TMC1: variants seen among roughly 807,000 people sequenced by gnomAD.
The protein encoded by TMC1 is transmembrane channel like 1, also known as transmembrane channel-like protein 1.
A neutral mutation model predicts 105.8 loss-of-function variants in TMC1; 84 were observed. The observed-to-expected ratio is 0.79, with a 90% CI of 0.67 to 0.95. TMC1 has a LOEUF of 0.95. TMC1 is among the 40% of genes least tolerant of loss of function. The probability of loss-of-function intolerance (pLI) is 0.00; values close to 1 mark genes in which losing one functional copy is unlikely to be tolerated. For missense variants in TMC1, 817 were observed against 914.1 expected, an observed-to-expected ratio of 0.89 and a Z score of 1.37; for synonymous variants, 315 against 311.5, an observed-to-expected ratio of 1.01 and a Z score of -0.12.
At chr9:72,675,776 C>T (rs1186392774) in intron 5 of TMC1, among the ~76,000 whole-genome samples, 1 of 152,102 alleles carries the variant, frequency 6.6e-6, no homozygotes, top group South Asian at 2.1e-4. Context: ...CTAAGTGACC[C>T]CACCCCATGC....
chr9:72,555,836 T>A (rs1823927910), intron 1 of TMC1, among the ~76,000 whole-genome samples: 1 of 151,736 alleles, frequency 6.6e-6, no homozygotes, highest in African/African-American at 2.4e-5. Context: ...TTCCCCAGGC[T>A]GGTCTCAAAC....
chr9:72,714,188 G>A (rs1002705850), intron 8 of TMC1, among the ~76,000 whole-genome samples: 6 of 152,074 alleles, frequency 3.9e-5, no homozygotes, highest in South Asian at 2.1e-4. Context: ...TTCCAATTAC[G>A]TGGTCAATTT....
chr9:72,542,976 G>A (rs1378258950), intron 1 of TMC1, among the ~76,000 whole-genome samples: 2 of 152,098 alleles, frequency 1.3e-5, no homozygotes, highest in Non-Finnish European at 2.9e-5. Flanking sequence ...ACCGCACCCA[G>A]CTAGGCCTCA....
intron 12 of TMC1, among the ~76,000 whole-genome samples, chr9:72,767,683 G>A (rs997130451): frequency 6.6e-6 from 1 of 152,178 alleles, no homozygotes; most frequent in Admixed American, 6.5e-5. Flanking sequence ...GACAACACAC[G>A]AGCATGGCAC....
At chr9:72,632,236 A>G (rs1453495687) in intron 4 of TMC1, among the ~76,000 whole-genome samples, 1 of 152,086 alleles carries the variant, frequency 6.6e-6, no homozygotes, top group African/African-American at 2.4e-5. Context: ...CTTTTAAATA[A>G]CCAGATCTTA....
At chr9:72,531,754 C>G (rs1169615112) in intron 1 of TMC1, among the ~76,000 whole-genome samples, 1 of 152,058 alleles carries the variant, frequency 6.6e-6, no homozygotes, top group African/African-American at 2.4e-5. Flanking sequence ...TTGTCTGGCT[C>G]TAGGCACTGA....
intron 4 of TMC1, among the ~76,000 whole-genome samples, chr9:72,634,376 C>A (rs904927186): frequency 6.6e-6 from 1 of 152,118 alleles, no homozygotes; most frequent in African/African-American, 2.4e-5. Context: ...TGAGCAGTAA[C>A]TATTATAGAA....
intron 5 of TMC1, among the ~76,000 whole-genome samples, chr9:72,655,192 G>A (rs745995633): frequency 6.6e-6 from 1 of 152,108 alleles, no homozygotes; most frequent in Non-Finnish European, 1.5e-5. Context: ...TTGTGAAGCA[G>A]GTGCCTGTTT....
intron 17 of TMC1, among the ~76,000 whole-genome samples, chr9:72,793,958 G>A (rs1028156155): frequency 8.5e-5 from 13 of 152,146 alleles, no homozygotes; most frequent in Non-Finnish European, 1.6e-4. Context: ...CAGTAGAACT[G>A]CCCTTGCTAC....
At chr9:72,524,952 G>A (rs2132052836) in intron 1 of TMC1, among the ~76,000 whole-genome samples, 1 of 152,268 alleles carries the variant, frequency 6.6e-6, no homozygotes, top group East Asian at 1.9e-4. Context: ...TCTCTAAGGA[G>A]CAGATCACCA....
intron 1 of TMC1, among the ~76,000 whole-genome samples, chr9:72,557,363 T>G (rs1465947480): frequency 6.6e-6 from 1 of 151,510 alleles, no homozygotes; most frequent in Non-Finnish European, 1.5e-5. Flanking sequence ...AGAGTGAGAC[T>G]CTCAAAAAAA....
chr9:72,621,867 C>T (rs576108873), intron 3 of TMC1, among the ~76,000 whole-genome samples: 1 of 152,142 alleles, frequency 6.6e-6, no homozygotes, highest in Non-Finnish European at 1.5e-5. Flanking sequence ...GTTAATTCTA[C>T]CTCTTGGAAT....
chr9:72,818,435 G>A lies in TMC1; in HGVS notation c.1763+2225G>A, dbSNP rs1030028720. Among the ~76,000 whole-genome samples, 6 of 152,118 alleles carry A rather than the reference G, an allele frequency of 3.9e-5. No individual in the cohort carries two copies. The South Asian group carries it at 1.2e-3, about 31-fold the overall frequency. ...GTGCTAATATTTTTAAATGATGAAA[G>A]CACAGAATATCTTTATCATAGCAGG... is the stretch of plus-strand genomic sequence containing the variant. On this transcript the variant is annotated intron_variant, in intron 19 of 23. Transcript: ENST00000297784.
intron 5 of TMC1, among the ~76,000 whole-genome samples, chr9:72,658,320 T>C (rs1408077836): frequency 1.3e-5 from 2 of 150,360 alleles, no homozygotes; most frequent in African/African-American, 4.9e-5. Context: ...GGTGAGAGGG[T>C]GAGACTCCGT....
At chr9:72,809,341 AGTTCCT>A (rs1828653506) in intron 18 of TMC1, among the ~76,000 whole-genome samples, 1 of 152,200 alleles carries the variant, frequency 6.6e-6, no homozygotes, top group Admixed American at 6.5e-5. Flanking sequence ...AAAAAAGACA[AGTTCCT>A]GTTTTAGGTC....
chr9:72,652,661 A>G (rs2132153877), intron 5 of TMC1, among the ~76,000 whole-genome samples: 1 of 152,334 alleles, frequency 6.6e-6, no homozygotes, highest in African/African-American at 2.4e-5. Flanking sequence ...GTAATTTAAA[A>G]TGTAATTGTA....
intron 19 of TMC1, among the ~76,000 whole-genome samples, chr9:72,818,057 T>C (rs1461869625): frequency 6.6e-6 from 1 of 152,240 alleles, no homozygotes; most frequent in South Asian, 2.1e-4. Flanking sequence ...GGGGATGTCA[T>C]GTAGAGGGAG....
Position 72,805,129 on chromosome 9 carries a change from C to T in TMC1, c.1567-253C>T, listed in dbSNP as rs532585171. 279 of 366,326 alleles carry T rather than the reference C, an allele frequency of 7.6e-4. 2 individuals carry two copies. The highest frequency in any genetic ancestry group is 1.3e-3 in the South Asian group (43 of 32,574). The allele number at this position is 366,326 out of a possible 1,614,324, so 22.7% of individuals were successfully genotyped here. On this transcript the variant is annotated intron_variant, in intron 17 of 23. Coordinates refer to ENST00000297784, the MANE Select transcript of TMC1 (RefSeq NM_138691.3). ...CCAATATTTTCCTGTTTTTGGCTCTCGTATCATGTTTATGAAATTTCTCAG... is the reference window on the plus strand; with the variant it reads ...CCAATATTTTCCTGTTTTTGGCTCTTGTATCATGTTTATGAAATTTCTCAG...
At chr9:72,810,547 T>C (rs1564570597) in intron 18 of TMC1, among the ~76,000 whole-genome samples, 11 of 152,220 alleles carry the variant, frequency 7.2e-5, no homozygotes, top group Non-Finnish European at 1.5e-5. Flanking sequence ...TAACAAGTGC[T>C]ACATATTTAT....
Sources: allele counts gnomAD v4.1 joint callset (sites outside exome capture counted in the v4.1 genomes callset), GRCh38; gene constraint gnomAD v4.1.1; transcripts MANE v1.5; gene names NCBI Gene and HGNC (gene_info 2026-07-23, HGNC 2026-07-21).